Variants in HECTD4 observed in about 807,000 individuals in gnomAD.
HECTD4 encodes probable E3 ubiquitin-protein ligase HECTD4.
A neutral mutation model predicts 471.5 loss-of-function variants in HECTD4; 114 were observed. That is an observed-to-expected ratio of 0.24 (90% CI 0.21 to 0.28). The LOEUF (loss-of-function observed/expected upper bound fraction) is 0.28. Ranked by LOEUF, HECTD4 falls within the 10% of genes least tolerant of loss-of-function variation. The probability of loss-of-function intolerance (pLI) is 1.00; values close to 1 mark genes in which losing one functional copy is unlikely to be tolerated. For missense variants in HECTD4, 3,866 were observed against 5,651.5 expected, an observed-to-expected ratio of 0.68 and a Z score of 10.13; for synonymous variants, 2,012 against 2,256.0, an observed-to-expected ratio of 0.89 and a Z score of 3.07.
intron 1 of HECTD4, among the ~76,000 whole-genome samples, chr12:112,376,355 T>C (rs1222487169): frequency 6.6e-6 from 1 of 152,060 alleles, no homozygotes; most frequent in Non-Finnish European, 1.5e-5. Context: ...CACGCCATTC[T>C]CCTGCCTCAG....
chr12:112,289,673 C>CTTTG (rs369549479), intron 7 of HECTD4, among the ~76,000 whole-genome samples: 3 of 151,752 alleles, frequency 2.0e-5, no homozygotes, highest in South Asian at 2.1e-4. Flanking sequence ...TACCATTATT[C>CTTTG]TTTGTTTGTT....
chr12:112,162,712 G>A lies in HECTD4; in HGVS notation c.13121-189C>T. ...CTTGGAGGGAAAAGGGGAGAGAGCTGCTGGACAGCGCATGTGCCAAACTGC... is the reference window on the plus strand; with the variant it reads ...CTTGGAGGGAAAAGGGGAGAGAGCTACTGGACAGCGCATGTGCCAAACTGC... On this transcript the variant is annotated intron_variant, in intron 75 of 75. Transcript: ENST00000682272. This position sits in a 1 kb window ranked among gnomAD's most constrained non-coding sequence, Gnocchi z 5.2. 1 of 642,034 alleles carries A rather than the reference G, an allele frequency of 1.6e-6. No individual in the cohort carries two copies. Among genetic ancestry groups the A allele is most frequent in the Non-Finnish European group, 2.7e-6 (1 of 375,494 alleles). 39.8% of individuals were successfully genotyped at this position (642,034 alleles called of 1,614,324 possible).
chr12:112,174,753 G>A (rs1360673882), intron 66 of HECTD4, among the ~76,000 whole-genome samples: 1 of 151,556 alleles, frequency 6.6e-6, no homozygotes, highest in Admixed American at 6.6e-5. Flanking sequence ...TAGTAGAGAC[G>A]GGGTTTCACC....
chr12:112,228,217 T>A lies in HECTD4; in HGVS notation c.6726A>T (p.Val2242=). The A allele has an allele frequency of 6.2e-7, 1 of 1,613,306 alleles. No individual in the cohort carries two copies. Among genetic ancestry groups the A allele is most frequent in the Non-Finnish European group, 8.5e-7 (1 of 1,179,656 alleles). ...LHKLSITEKV[V]QAVQSMLLPQ... is the part of the protein sequence containing the mutation. ...GAAGCAACATGGACTGGACTGCCTG[T>A]ACTACCTTCTCAGTAATGGACAGTT... The change falls in exon 43 of 76, where the codon GTA becomes GTT. Residue 2242 remains valine (V), a synonymous_variant. Transcript: ENST00000682272. The surrounding 1 kb of genome is among the most constrained non-coding windows in gnomAD (Gnocchi z 4.9).
intron 66 of HECTD4, among the ~76,000 whole-genome samples, chr12:112,175,018 C>A (rs2031382721): frequency 6.6e-6 from 1 of 152,172 alleles, no homozygotes; most frequent in Non-Finnish European, 1.5e-5. Context: ...CCATATTTAG[C>A]CCTGAAGCCC....
At position 112,381,627 on chromosome 12, in the gene HECTD4, CG is replaced by C. The variant is rs2036891576; in HGVS notation, c.177+324del. Among the ~76,000 whole-genome samples, 1 of 151,994 alleles carries C rather than the reference CG, an allele frequency of 6.6e-6. No homozygotes were observed. Among genetic ancestry groups the C allele is most frequent in the Non-Finnish European group, 1.5e-5 (1 of 67,988 alleles). The stretch of plus-strand genomic sequence containing the variant: ...CCCGTGGGGGAGGGGAGGGAGGGCC[CG>C]GGTGGTGGCGGTGGCTCCTCTGGGG... On this transcript the variant is annotated intron_variant, in intron 1 of 75. Coordinates refer to ENST00000682272, the MANE Select transcript of HECTD4 (RefSeq NM_001388303.1). This position sits in a 1 kb window ranked among gnomAD's most constrained non-coding sequence, Gnocchi z 4.1.
intron 44 of HECTD4, among the ~76,000 whole-genome samples, chr12:112,225,799 A>G (rs1184745731): frequency 6.6e-6 from 1 of 152,190 alleles, no homozygotes; most frequent in Non-Finnish European, 1.5e-5. Flanking sequence ...ATATGTATAT[A>G]CACATATTTT....
At chr12:112,234,325 C>A (rs376746949) in intron 37 of HECTD4, among the ~76,000 whole-genome samples, 4 of 152,186 alleles carry the variant, frequency 2.6e-5, no homozygotes, top group African/African-American at 9.7e-5. Context: ...TTGGAGATTT[C>A]CTCATATAAG....
At chr12:112,217,641 G>A (rs907862934) in intron 45 of HECTD4, among the ~76,000 whole-genome samples, 2 of 152,198 alleles carry the variant, frequency 1.3e-5, no homozygotes, top group African/African-American at 2.4e-5. Context: ...GGCGTGAGCC[G>A]CCATGCCCAG....
At position 112,281,166 on chromosome 12, in the gene HECTD4, T is replaced by C. The variant is rs912319804; in HGVS notation, c.1529-1780A>G. Among the ~76,000 whole-genome samples the C allele has an allele frequency of 3.3e-5, 5 of 152,294 alleles. No homozygotes were observed. The South Asian group carries it at 1.0e-3, about 32-fold the overall frequency. ...GTTTATAACTGGTGAATTTTTAATT[T>C]AATGTAGCAACATCACGTTAAAGAA... On this transcript the variant is annotated intron_variant, in intron 8 of 75. Coordinates refer to ENST00000682272, the MANE Select transcript of HECTD4 (RefSeq NM_001388303.1).
chr12:112,379,717 T>TATA (rs373474769), intron 1 of HECTD4, among the ~76,000 whole-genome samples: 117 of 147,474 alleles, frequency 7.9e-4, no homozygotes, highest in African/African-American at 2.3e-3. Context: ...AAAAGATTTT[T>TATA]TATATATATA....
intron 43 of HECTD4, chr12:112,226,959 T>G: frequency 2.2e-6 from 1 of 455,162 alleles, no homozygotes; most frequent in South Asian, 4.7e-5. Flanking sequence ...CAGTAACTGC[T>G]GACACTGCAT....
At chr12:112,208,657 T>C (rs1174113465) in intron 50 of HECTD4, 27 bp from the exon 51 acceptor site, 1 of 1,517,934 alleles carries the variant, frequency 6.6e-7, no homozygotes, top group African/African-American at 1.4e-5. Context: ...GGACAGCGAA[T>C]TCTAAACAAG....
At chr12:112,246,403 G>A (rs1276492786) in intron 29 of HECTD4, among the ~76,000 whole-genome samples, 3 of 152,104 alleles carry the variant, frequency 2.0e-5, no homozygotes, top group African/African-American at 7.2e-5. Context: ...GGACGCCAAG[G>A]TGGGCGGATC....
intron 7 of HECTD4, among the ~76,000 whole-genome samples, chr12:112,304,193 CAG>C (rs1264808903): frequency 1.3e-5 from 2 of 148,932 alleles, no homozygotes; most frequent in Non-Finnish European, 3.0e-5. Context: ...ATCAGAGAAT[CAG>C]GGAATTCTTC....
rs763180248 is a variant in HECTD4 at position 112,251,151 on chromosome 12, G to T, written c.3553-17C>A. 2 of 1,611,702 alleles carry T rather than the reference G, an allele frequency of 1.2e-6. No individual in the cohort carries two copies. Among genetic ancestry groups the T allele is most frequent in the Non-Finnish European group, 1.7e-6 (2 of 1,178,998 alleles). On this transcript the variant is annotated splice_polypyrimidine_tract_variant and intron_variant, in intron 23 of 75. Transcript: ENST00000682272. ...CGAAGACTCCTACAATGCAGACAGG[G>T]GTAAACCACACTGGTCAGTGTACAC... is the stretch of plus-strand genomic sequence containing the variant.
intron 70 of HECTD4, among the ~76,000 whole-genome samples, 191 bp downstream of exon 70, chr12:112,169,312 C>G (rs114248499): frequency 6.6e-6 from 1 of 152,196 alleles, no homozygotes; most frequent in South Asian, 2.1e-4. Flanking sequence ...AGGGACTGGC[C>G]GAGGCTTCCA....
intron 8 of HECTD4, among the ~76,000 whole-genome samples, chr12:112,282,297 G>A (rs528696825): frequency 3.1e-4 from 47 of 152,188 alleles, no homozygotes; most frequent in African/African-American, 1.1e-3. Context: ...GCAGGAGAAT[G>A]GCGTGAACCT....
intron 1 of HECTD4, among the ~76,000 whole-genome samples, chr12:112,323,981 C>T (rs200685985): frequency 0.048 from 1,140 of 23,584 alleles, 95 homozygotes; most frequent in East Asian, 0.34. Context: ...TTCCTTCCTT[C>T]CTTCCTTCCT....
Sources: gnomAD v4.1 joint callset for allele counts (sites outside exome capture counted in the v4.1 genomes callset) on GRCh38, gnomAD v4.1.1 for gene constraint, Gnocchi (gnomAD v3.1) non-coding constraint, MANE v1.5 for transcripts, NCBI Gene and HGNC (gene_info 2026-07-23, HGNC 2026-07-21) for gene names.